NEMF: variants seen among roughly 807,000 people sequenced by gnomAD.
NEMF encodes the protein ribosome quality control complex subunit NEMF.
In NEMF, 89 loss-of-function variants were observed where a neutral mutation model predicts 162.2. That is an observed-to-expected ratio of 0.55 (90% CI 0.46 to 0.65). The LOEUF is 0.65. NEMF is among the 30% of genes least tolerant of loss of function. The pLI is 0.00. For synonymous variants in NEMF, 421 were observed against 404.5 expected (o/e 1.04, Z -0.49); for missense variants, 1,133 against 1,261.9 (o/e 0.90, Z 1.55).
rs373740402 is a variant in NEMF, at chr14:49,851,568, T to A, written c.226A>T (p.Met76Leu). Residue 76 changes from methionine to leucine, a missense_variant, in exon 3 of 33, where the codon ATG becomes TTG. By Grantham distance (15) the Met-to-Leu change is conservative. This residue lies in a region of NEMF where 582 missense variants were observed against 631.5 expected (regional missense o/e 0.92). Transcript: ENST00000298310. Reference sequence around the variant, plus strand: ...TTCAAGCGTAACAAGTTTACCTTCATGGCAAAACTAGACGGCATCATATTC... The same window carrying A: ...TTCAAGCGTAACAAGTTTACCTTCAAGGCAAAACTAGACGGCATCATATTC... ...PKNMMPSSFA[M>L]KCRKHLKSRR... 6.2e-7 allele frequency: 1 copy of A among 1,609,352 alleles called. No individual in the cohort carries two copies. The highest frequency in any genetic ancestry group is 1.3e-5 in the African/African-American group (1 of 74,960).
Position 49,814,002 on chromosome 14 carries a change from AT to A in NEMF, c.1729del (p.Ile577LeufsTer14). 1.3e-6 allele frequency: 2 copies of A among 1,531,296 alleles called. No homozygotes were observed. Among genetic ancestry groups the A allele is most frequent in the Non-Finnish European group, 9.1e-7 (1 of 1,104,516 alleles). The allele number at this position is 1,531,296 out of a possible 1,614,324, so 94.9% of individuals were successfully genotyped here. ...ADLHGATSCV[I>X]KNPTGEPIPP... ...AAATATATTACCTGTTGGATTCTTA[AT>A]TACACAGCTAGTAGCTCCATGAAGA... is the stretch of plus-strand genomic sequence containing the variant. On this transcript the variant is annotated frameshift_variant, in exon 18 of 33. Transcript: ENST00000298310. LOFTEE classifies it high-confidence loss of function.
chr14:49,795,072 A>G (rs1890629707), intron 26 of NEMF, among the ~76,000 whole-genome samples: 1 of 151,822 alleles, frequency 6.6e-6, no homozygotes. Flanking sequence ...TGGCTAACAC[A>G]CCTCTAGTTA....
At chr14:49,813,112 G>A (rs1952748107) in intron 18 of NEMF, among the ~76,000 whole-genome samples, 1 of 152,080 alleles carries the variant, frequency 6.6e-6, no homozygotes, top group Non-Finnish European at 1.5e-5. Flanking sequence ...GTCTACCCCA[G>A]AGAATATTTC....
At chr14:49,790,969 G>A (rs1303382691) in intron 26 of NEMF, among the ~76,000 whole-genome samples, 2 of 151,942 alleles carry the variant, frequency 1.3e-5, no homozygotes, top group Non-Finnish European at 2.9e-5. Context: ...CTCCAACCTG[G>A]GCAACAAGAG....
intron 18 of NEMF, among the ~76,000 whole-genome samples, chr14:49,810,965 G>A (rs1891449525): frequency 2.0e-5 from 3 of 152,084 alleles, no homozygotes; most frequent in Admixed American, 6.5e-5. Context: ...TTACAGCCTG[G>A]GTGACAGGAG....
chr14:49,789,490 A>T lies in NEMF; in HGVS notation c.2697+6T>A. 1.2e-6 allele frequency: 2 copies of T among 1,611,896 alleles called. No individual in the cohort carries two copies. Among genetic ancestry groups the T allele is most frequent in the Non-Finnish European group, 1.7e-6 (2 of 1,179,552 alleles). On this transcript the variant is annotated splice_donor_region_variant and intron_variant, in intron 27 of 32. Transcript: ENST00000298310. ...AAAAGAAAAAATGTTTTTAGATGTT[A>T]TTTACCCCCAGCAACTTCATGATAA...
chr14:49,795,704 A>T, intron 26 of NEMF, 87 bp downstream of exon 26: 1 of 1,288,242 alleles, frequency 7.8e-7, no homozygotes, highest in Non-Finnish European at 1.1e-6. Context: ...TTTTTGGCCT[A>T]CATTTTCTAT....
At chr14:49,831,433 TTA>T in intron 10 of NEMF, 72 bp from the exon 11 acceptor site, 8 of 856,582 alleles carry the variant, frequency 9.3e-6, no homozygotes, top group Non-Finnish European at 1.4e-5. Flanking sequence ...ACACAGAATT[TTA>T]TTTTTTTTTT....
At chr14:49,822,213 C>G (rs905808117) in intron 16 of NEMF, among the ~76,000 whole-genome samples, 1 of 152,020 alleles carries the variant, frequency 6.6e-6, no homozygotes, top group African/African-American at 2.4e-5. Context: ...TGTTTGCCTG[C>G]TGACCTTCCC....
intron 18 of NEMF, among the ~76,000 whole-genome samples, chr14:49,810,185 GGTGAAAACTC>G (rs1891407553): frequency 6.6e-6 from 1 of 151,656 alleles, no homozygotes; most frequent in Non-Finnish European, 1.5e-5. Context: ...TGGCTAACAC[GGTGAAAACTC>G]GTCTCTACTA....
At chr14:49,848,116 C>G (rs899901239) in intron 3 of NEMF, among the ~76,000 whole-genome samples, 1 of 152,008 alleles carries the variant, frequency 6.6e-6, no homozygotes, top group South Asian at 2.1e-4. Flanking sequence ...AATCTCCCAC[C>G]TTAGCCTCCC....
At chr14:49,845,178 T>G (rs990146217) in intron 4 of NEMF, among the ~76,000 whole-genome samples, 1 of 151,820 alleles carries the variant, frequency 6.6e-6, no homozygotes, top group Non-Finnish European at 1.5e-5. Flanking sequence ...CTGGAACCTC[T>G]GCCTCCCAGG....
intron 19 of NEMF, 126 bp from the exon 20 acceptor site, chr14:49,803,420 C>A: frequency 1.8e-6 from 1 of 558,418 alleles, no homozygotes; most frequent in Non-Finnish European, 3.1e-6. Flanking sequence ...TTTATAATTT[C>A]GTACAAATTC....
At chr14:49,831,686 C>T (rs1291645530) in intron 10 of NEMF, among the ~76,000 whole-genome samples, 1 of 152,168 alleles carries the variant, frequency 6.6e-6, no homozygotes, top group Non-Finnish European at 1.5e-5. Flanking sequence ...ATCTGCCTGC[C>T]TTGGCCTCCC....
At chr14:49,850,484 G>A (rs1446984116) in intron 3 of NEMF, among the ~76,000 whole-genome samples, 3 of 152,102 alleles carry the variant, frequency 2.0e-5, no homozygotes, top group Admixed American at 6.5e-5. Flanking sequence ...AATTCCAAGA[G>A]GTTAAGTAAC....
In NEMF at chr14:49,829,160, T is replaced by C; in HGVS notation, c.1126A>G (p.Thr376Ala). ...RSALANQIDW[T>A]EIGLIVKEAQ... ...TCTTTCACAATTAACCCAATTTCTGTCCAATCTATCTGGTTAGCTAAAGCA... is the reference window on the plus strand; with the variant it reads ...TCTTTCACAATTAACCCAATTTCTGCCCAATCTATCTGGTTAGCTAAAGCA... The change falls in exon 13 of 33, where the codon ACA becomes GCA. Residue 376 changes from threonine (T) to alanine (A), a missense_variant. This residue lies in a region of NEMF where 582 missense variants were observed against 631.5 expected (regional missense o/e 0.92). Transcript: ENST00000298310. The C allele has an allele frequency of 6.2e-7, 1 of 1,614,192 alleles. No individual in the cohort carries two copies. The highest frequency in any genetic ancestry group is 1.1e-5 in the South Asian group (1 of 91,090).
chr14:49,812,144 GTATTTA>G (rs1232072662), intron 18 of NEMF, among the ~76,000 whole-genome samples: 1 of 151,996 alleles, frequency 6.6e-6, no homozygotes, highest in African/African-American at 2.4e-5. Context: ...GTCAGTTTTA[GTATTTA>G]TATCTTTCTA....
chr14:49,842,440 G>A (rs1221751090), intron 4 of NEMF, among the ~76,000 whole-genome samples: 1 of 152,106 alleles, frequency 6.6e-6, no homozygotes, highest in South Asian at 2.1e-4. Context: ...GGAACATAAT[G>A]AAAATAAAGC....
At chr14:49,824,500 C>T (rs959717042) in intron 16 of NEMF, among the ~76,000 whole-genome samples, 3 of 142,236 alleles carry the variant, frequency 2.1e-5, no homozygotes, top group African/African-American at 5.3e-5. Context: ...CCAAAGACTG[C>T]GCCACTGCAC....
Sources: allele counts gnomAD v4.1 joint callset (sites outside exome capture counted in the v4.1 genomes callset), GRCh38; gene constraint gnomAD v4.1.1; regional missense constraint gnomAD v4.1.1; transcripts MANE v1.5; gene names NCBI Gene and HGNC (gene_info 2026-07-23, HGNC 2026-07-21).